OSBPL10: variants seen among roughly 807,000 people sequenced by gnomAD.
OSBPL10 encodes oxysterol binding protein like 10.
A neutral mutation model predicts 81.7 loss-of-function variants in OSBPL10; 49 were observed. That is an observed-to-expected ratio of 0.60 (90% CI 0.48 to 0.76). The LOEUF (loss-of-function observed/expected upper bound fraction) is 0.76. Among genes scored for constraint, OSBPL10 ranks in the 30% least tolerant of loss-of-function variants. The pLI, the probability that OSBPL10 is intolerant of heterozygous loss-of-function variation, is 0.00. For missense variants in OSBPL10, 923 were observed against 987.8 expected, an observed-to-expected ratio of 0.93 and a Z score of 0.88; for synonymous variants, 419 against 383.6, an observed-to-expected ratio of 1.09 and a Z score of -1.08.
chr3:31,749,921 C>CAT (rs1471327394), intron 4 of OSBPL10, among the ~76,000 whole-genome samples: 1 of 152,166 alleles, frequency 6.6e-6, no homozygotes, highest in African/African-American at 2.4e-5. Flanking sequence ...TGGCTCACGC[C>CAT]TGTAATCCCA....
intron 7 of OSBPL10, among the ~76,000 whole-genome samples, chr3:31,699,407 T>TC (rs987313012): frequency 5.6e-4 from 86 of 152,300 alleles, no homozygotes; most frequent in African/African-American, 1.9e-3. Context: ...CTCCATCCTC[T>TC]CTTCTTTTCT....
chr3:31,756,078 G>A (rs866187666), intron 4 of OSBPL10, among the ~76,000 whole-genome samples: 5 of 152,128 alleles, frequency 3.3e-5, no homozygotes, highest in African/African-American at 7.2e-5. Context: ...CTTATCGTAC[G>A]GGTCTGTCAA....
chr3:31,983,451 A>G (rs998428689), upstream of OSBPL10, among the ~76,000 whole-genome samples: 2 of 152,254 alleles, frequency 1.3e-5, no homozygotes, highest in East Asian at 3.8e-4. Flanking sequence ...GGACTAAAAA[A>G]TTAGACCCTT....
At position 31,879,671 on chromosome 3, in the gene OSBPL10, C is replaced by T. The variant is rs758641173; in HGVS notation, c.441G>A (p.Glu147=). The T allele has an allele frequency of 1.9e-6, 3 of 1,612,350 alleles. No homozygotes were observed. The South Asian group carries it at 3.3e-5, about 18-fold the overall frequency. The change falls in exon 2 of 12, where the codon GAG becomes GAA. Residue 147 remains glutamate (E), a synonymous_variant. Coordinates refer to ENST00000396556, the MANE Select transcript of OSBPL10 (RefSeq NM_017784.5). ...AGAACGCACCTCTCAGTTTAAACAT[C>T]TCTCCATTAGCAGAGTACACCACCA... ...HMLVVYSANG[E]MFKLRAADAK... is the part of the protein sequence containing the mutation.
At chr3:31,973,988 A>G (rs1698630857) in intron 1 of OSBPL10, among the ~76,000 whole-genome samples, 3 of 152,230 alleles carry the variant, frequency 2.0e-5, no homozygotes, top group Admixed American at 1.3e-4. Context: ...TAATGCCTGC[A>G]TAATACACCG....
intron 1 of OSBPL10, among the ~76,000 whole-genome samples, chr3:31,882,875 T>TA (rs1401652161): frequency 6.6e-6 from 1 of 152,152 alleles, no homozygotes; most frequent in Non-Finnish European, 1.5e-5. Flanking sequence ...AACAAAGACA[T>TA]AAAAAACCCT....
intron 6 of OSBPL10, chr3:31,714,219 C>T (rs1169671109): frequency 6.6e-6 from 1 of 152,406 alleles, no homozygotes; most frequent in Non-Finnish European, 1.5e-5. Context: ...TCCTTCTCCT[C>T]TACTCGGTAT....
intron 11 of OSBPL10, 74 bp from the exon 12 acceptor site, chr3:31,662,190 A>C: frequency 6.2e-7 from 1 of 1,607,564 alleles, no homozygotes; most frequent in Non-Finnish European, 8.5e-7. Flanking sequence ...GGATAACCGC[A>C]GCCACTCTGT....
chr3:32,073,815 G>A (rs557417084), intron 1 of OSBPL10, among the ~76,000 whole-genome samples: 4 of 152,150 alleles, frequency 2.6e-5, no homozygotes, highest in Admixed American at 2.0e-4. Context: ...ATATCTCCTG[G>A]TGCTATCCCC....
At chr3:32,045,302 T>C (rs1288869151) in intron 2 of OSBPL10, among the ~76,000 whole-genome samples, 1 of 152,194 alleles carries the variant, frequency 6.6e-6, no homozygotes, top group Non-Finnish European at 1.5e-5. Flanking sequence ...GAAAACACTT[T>C]TGAGCCACTA....
chr3:31,797,073 C>A (rs1699243042), intron 4 of OSBPL10, among the ~76,000 whole-genome samples: 1 of 142,394 alleles, frequency 7.0e-6, no homozygotes, highest in Admixed American at 7.6e-5. Flanking sequence ...TGGCTCACTG[C>A]AAACTCTTTC....
At chr3:31,877,152 G>A (rs142869239) in intron 2 of OSBPL10, among the ~76,000 whole-genome samples, 1,872 of 152,142 alleles carry the variant, frequency 0.012, 29 homozygotes, top group African/African-American at 0.041. Flanking sequence ...TGATCCACCC[G>A]CCTTGGTCTA....
Position 31,664,143 on chromosome 3 carries a change from C to G in OSBPL10, c.2186G>C (p.Arg729Pro). ...GTTCTCGCGCTTCCGTTCCTCCACCCGTTGCTTCTCCTCCAGGTGCCGCTT... is the reference window on the plus strand; with the variant it reads ...GTTCTCGCGCTTCCGTTCCTCCACCGGTTGCTTCTCCTCCAGGTGCCGCTT... ...EQKRHLEEKQ[R>P]VEERKRENLR... The change falls in exon 11 of 12, where the codon CGG (arginine) becomes CCG (proline). Residue 729 changes from arginine to proline, a missense_variant. Physicochemically the swap from Arg to Pro is moderately radical, Grantham distance 103 (BLOSUM62 -2). Coordinates refer to ENST00000396556, the MANE Select transcript of OSBPL10 (RefSeq NM_017784.5). The G allele has an allele frequency of 1.9e-6, 3 of 1,613,914 alleles. No homozygotes were observed. The highest frequency in any genetic ancestry group is 2.5e-6 in the Non-Finnish European group (3 of 1,180,026).
intron 3 of OSBPL10, among the ~76,000 whole-genome samples, chr3:31,841,233 G>A (rs2125555095): frequency 6.6e-6 from 1 of 152,344 alleles, no homozygotes; most frequent in South Asian, 2.1e-4. Flanking sequence ...ACACAAATAT[G>A]TTTAGATCCT....
rs542841765 is a variant in OSBPL10 at position 31,723,108 on chromosome 3, G to C, written c.1095+10149C>G. On this transcript the variant is annotated intron_variant, in intron 6 of 11. Transcript: ENST00000396556. ...TCCACCACTCTTCTTATACTTATTA[G>C]TAATGTGGTCATTTAATGGGACCAC... Among the ~76,000 whole-genome samples, 7 of 152,284 alleles carry C rather than the reference G, an allele frequency of 4.6e-5. No homozygotes were observed. In the East Asian group the frequency reaches 1.2e-3, roughly 25 times the overall value.
chr3:32,012,388 A>G (rs936139934), intron 2 of OSBPL10, among the ~76,000 whole-genome samples: 1 of 152,182 alleles, frequency 6.6e-6, no homozygotes, highest in Non-Finnish European at 1.5e-5. Flanking sequence ...AGACAAGCAA[A>G]TGTTGAGACA....
At chr3:31,768,912 A>C (rs1698277370) in intron 4 of OSBPL10, among the ~76,000 whole-genome samples, 2 of 152,184 alleles carry the variant, frequency 1.3e-5, no homozygotes, top group Admixed American at 1.3e-4. Flanking sequence ...CTGAAAAGTT[A>C]ATCTGAAGAA....
At chr3:31,667,837 T>C (rs185706911) in intron 10 of OSBPL10, among the ~76,000 whole-genome samples, 20 of 152,380 alleles carry the variant, frequency 1.3e-4, no homozygotes, top group Admixed American at 2.6e-4. Flanking sequence ...CCACAGGCCA[T>C]AGTTTGCTGA....
intron 1 of OSBPL10, among the ~76,000 whole-genome samples, chr3:32,052,808 T>A (rs6762350): frequency 3.3e-5 from 5 of 152,022 alleles, no homozygotes; most frequent in Non-Finnish European, 5.9e-5. Flanking sequence ...TGTCAGGAGT[T>A]GGGGGCAAGG....
Sources: gnomAD v4.1 joint callset for allele counts (sites outside exome capture counted in the v4.1 genomes callset) on GRCh38, gnomAD v4.1.1 for gene constraint, MANE v1.5 for transcripts, NCBI Gene and HGNC (gene_info 2026-07-23, HGNC 2026-07-21) for gene names.